Variants in ITGA7 observed in about 807,000 individuals in gnomAD.
ITGA7 encodes integrin subunit alpha 7.
Under a neutral mutation model 131.6 loss-of-function variants are expected in ITGA7, and 84 were observed. That is an observed-to-expected ratio of 0.64 (90% CI 0.54 to 0.77). The LOEUF is 0.77. Among genes scored for constraint, ITGA7 ranks in the 30% least tolerant of loss-of-function variants. The pLI, the probability that ITGA7 is intolerant of heterozygous loss-of-function variation, is 0.00. For missense variants in ITGA7, 1,399 were observed against 1,482.9 expected (o/e 0.94, Z 0.93); for synonymous variants, 548 against 600.7 (o/e 0.91, Z 1.28).
Position 55,697,832 on chromosome 12 carries a change from C to A in ITGA7, c.1282-10G>T. On this transcript the variant is annotated splice_polypyrimidine_tract_variant and intron_variant, in intron 8 of 24. Coordinates refer to ENST00000257879, the MANE Select transcript of ITGA7 (RefSeq NM_002206.3). ...CCTCGCCCTCCAGCACCTAGAGAAC[C>A]AGCTGTCAGCCTCCCTCAATCCCAC... The A allele has an allele frequency of 6.2e-7, 1 of 1,614,080 alleles. No individual in the cohort carries two copies. Among genetic ancestry groups the A allele is most frequent in the Non-Finnish European group, 8.5e-7 (1 of 1,180,006 alleles).
In ITGA7 at chr12:55,698,884, C is replaced by A. The variant is rs74867235; in HGVS notation, c.824G>T (p.Arg275Leu). Residue 275 changes from arginine to leucine, a missense_variant, in exon 6 of 25, where the codon CGT becomes CTT. Transcript: ENST00000257879. ...FSIDSGKGLVRAEELSFVAGA... is the reference protein window; with the variant it reads ...FSIDSGKGLVLAEELSFVAGA... ...AGCCACAAAGCTCAGCTCTTCTGCACGCACCAGACCTTTCCCCGAGTCAAT... is the reference window on the plus strand; with the variant it reads ...AGCCACAAAGCTCAGCTCTTCTGCAAGCACCAGACCTTTCCCCGAGTCAAT... The A allele has an allele frequency of 2.5e-6, 4 of 1,613,492 alleles. No individual in the cohort carries two copies. Among genetic ancestry groups the A allele is most frequent in the East Asian group, 2.2e-5 (1 of 44,874 alleles).
rs757453079 is a variant in ITGA7 at position 55,697,811 on chromosome 12, G to C, written c.1293C>G (p.Gly431=). 1.2e-6 allele frequency: 2 copies of C among 1,613,920 alleles called. No homozygotes were observed. Among genetic ancestry groups the C allele is most frequent in the African/African-American group, 2.7e-5 (2 of 74,874 alleles). Reference sequence around the variant, plus strand: ...CGAAGCTCTTGATGCCCACAGCCTCGCCCTCCAGCACCTAGAGAACCAGCT... The same window carrying C: ...CGAAGCTCTTGATGCCCACAGCCTCCCCCTCCAGCACCTAGAGAACCAGCT... ...VVAKPSQVLE[G]EAVGIKSFGY... The change falls in exon 9 of 25, where the codon GGC becomes GGG. Residue 431 remains glycine, a synonymous_variant. Coordinates refer to ENST00000257879, the MANE Select transcript of ITGA7 (RefSeq NM_002206.3).
At chr12:55,699,717 C>T (rs1873524681) in intron 5 of ITGA7, 153 bp downstream of exon 5, 1 of 1,028,886 alleles carries the variant, frequency 9.7e-7, no homozygotes, top group African/African-American at 1.6e-5. Context: ...ATCATTGGAC[C>T]CAGCTCTTCT....
At chr12:55,700,329 G>C (rs774566041) in intron 4 of ITGA7, 17 of 1,610,610 alleles carry the variant, frequency 1.1e-5, no homozygotes, top group Non-Finnish European at 1.0e-5. Flanking sequence ...CCGCCTCGTA[G>C]GGACCGTCGT....
intron 24 of ITGA7, among the ~76,000 whole-genome samples, 153 bp downstream of exon 24, chr12:55,687,818 G>C (rs1362124113): frequency 6.6e-6 from 1 of 152,114 alleles, no homozygotes; most frequent in African/African-American, 2.4e-5. Context: ...GAAACATCCA[G>C]GGACTAATAG....
At chr12:55,707,372 G>A in intron 1 of ITGA7, 105 bp downstream of exon 1, 1 of 932,762 alleles carries the variant, frequency 1.1e-6, no homozygotes, top group South Asian at 1.4e-5. Context: ...GGCAGTCTAG[G>A]TCTTGGTGGG....
upstream of ITGA7, chr12:55,716,269 G>A: frequency 6.5e-7 from 1 of 1,546,812 alleles, no homozygotes; most frequent in South Asian, 1.2e-5. Context: ...TGGATCTCGA[G>A]TAACTAACCA....
In ITGA7 at chr12:55,700,317, C is replaced by T. The variant is rs757871669; in HGVS notation, c.671-328G>A. On this transcript the variant is annotated intron_variant, in intron 4 of 24. Transcript: ENST00000257879. ...GGCGGGGGTCCTGCTCCTTCTCTCCCCCCGCCTCGTAGGGACCGTCGTCCA... is the reference window on the plus strand; with the variant it reads ...GGCGGGGGTCCTGCTCCTTCTCTCCTCCCGCCTCGTAGGGACCGTCGTCCA... 1.1e-5 allele frequency: 18 copies of T among 1,610,452 alleles called. No individual in the cohort carries two copies. In the East Asian group the frequency reaches 3.8e-4, roughly 34 times the overall value.
intron 1 of ITGA7, among the ~76,000 whole-genome samples, chr12:55,707,213 CAGA>C (rs779002114): frequency 6.6e-6 from 1 of 152,122 alleles, no homozygotes; most frequent in Non-Finnish European, 1.5e-5. Flanking sequence ...GGGAAAGGCC[CAGA>C]AGAAGGAGAT....
Position 55,697,741 on chromosome 12 carries a change from G to C in ITGA7, c.1363C>G (p.Pro455Ala). 6.2e-7 allele frequency: 1 copy of C among 1,614,116 alleles called. No individual in the cohort carries two copies. Among genetic ancestry groups the C allele is most frequent in the Non-Finnish European group, 8.5e-7 (1 of 1,180,014 alleles). The change falls in exon 9 of 25, where the codon CCT (proline) becomes GCT (alanine). Residue 455 changes from proline (P) to alanine (A), a missense_variant. By Grantham distance (27) the Pro-to-Ala change is conservative. Transcript: ENST00000257879. ...GCCAGGGAGCCCACCAGCAGGTCAGGGTATTGGTTCCCATCCATATCCAAG... is the reference window on the plus strand; with the variant it reads ...GCCAGGGAGCCCACCAGCAGGTCAGCGTATTGGTTCCCATCCATATCCAAG... ...GSLDMDGNQY[P>A]DLLVGSLADT...
rs746378416 is a variant in ITGA7, at chr12:55,700,246, G to A, written c.671-257C>T. 1.5e-4 allele frequency: 240 copies of A among 1,595,692 alleles called. 1 individual carries two copies. Among genetic ancestry groups the A allele is most frequent in the Non-Finnish European group, 1.8e-4 (216 of 1,173,346 alleles). On this transcript the variant is annotated intron_variant, in intron 4 of 24. Coordinates refer to ENST00000257879, the MANE Select transcript of ITGA7 (RefSeq NM_002206.3). ...CAGAGGGTTAGAGCAGTTCTGGGCC[G>A]GGGAGAGGTCCCTACCAAAGTAGCT...
At chr12:55,697,587 T>A (rs759215198) in intron 9 of ITGA7, 41 bp from the exon 10 acceptor site, 2 of 1,609,964 alleles carry the variant, frequency 1.2e-6, no homozygotes, top group Admixed American at 3.3e-5. Context: ...CATGAGAACA[T>A]GAGGCTGGGA....
At chr12:55,701,463 G>A (rs1874006837) in intron 3 of ITGA7, 1 of 1,543,076 alleles carries the variant, frequency 6.5e-7, no homozygotes, top group Non-Finnish European at 8.8e-7. Context: ...TAGGATGTGT[G>A]TCTCCCTGAT....
rs372183288 is a variant in ITGA7 at position 55,699,770 on chromosome 12, G to T, written c.790+100C>A. 1.3e-4 allele frequency: 186 copies of T among 1,402,504 alleles called. 2 individuals carry two copies. The African/African-American group carries it at 2.5e-3, about 19-fold the overall frequency. 86.9% of individuals were successfully genotyped at this position (1,402,504 alleles called of 1,614,324 possible). On this transcript the variant is annotated intron_variant, in intron 5 of 24. Coordinates refer to ENST00000257879, the MANE Select transcript of ITGA7 (RefSeq NM_002206.3). The stretch of plus-strand genomic sequence containing the variant: ...TGTATGTCTCCCTGGGTGTGTGTTG[G>T]GGGAGGAGGAGATTATAAGGCACCA...
intron 3 of ITGA7, 54 bp from the exon 4 acceptor site, chr12:55,701,208 G>C: frequency 6.2e-7 from 1 of 1,612,964 alleles, no homozygotes; most frequent in African/African-American, 1.3e-5. Context: ...GGACCTGCTT[G>C]AGGCATGCTG....
At chr12:55,701,559 G>A in intron 3 of ITGA7, 1 of 771,412 alleles carries the variant, frequency 1.3e-6, no homozygotes, top group Non-Finnish European at 2.2e-6. Context: ...AGAACTTCCT[G>A]TCCGCTTCAC....
intron 24 of ITGA7, among the ~76,000 whole-genome samples, chr12:55,687,146 A>C (rs919044282): frequency 1.4e-5 from 2 of 147,612 alleles, no homozygotes; most frequent in Admixed American, 6.7e-5. Flanking sequence ...AAAATCCCTG[A>C]GAACGAGATC....
intron 5 of ITGA7, chr12:55,699,469 C>G (rs1285619731): frequency 6.7e-6 from 2 of 296,546 alleles, no homozygotes; most frequent in African/African-American, 4.4e-5. Flanking sequence ...GTTTCCTCCT[C>G]CTCTGCAGAG....
At chr12:55,701,216 C>A (rs1873939596) in intron 3 of ITGA7, 62 bp from the exon 4 acceptor site, 3 of 1,611,426 alleles carry the variant, frequency 1.9e-6, no homozygotes. Context: ...TTGAGGCATG[C>A]TGCCCATATG....
Sources: gnomAD v4.1 joint callset for allele counts (sites outside exome capture counted in the v4.1 genomes callset) on GRCh38, gnomAD v4.1.1 for gene constraint, MANE v1.5 for transcripts, NCBI Gene and HGNC (gene_info 2026-07-23, HGNC 2026-07-21) for gene names.